FAN1: variants seen among roughly 807,000 people sequenced by gnomAD.
The protein encoded by FAN1 is fanconi-associated nuclease 1.
A neutral mutation model predicts 104.9 loss-of-function variants in FAN1; 91 were observed. The observed-to-expected ratio is 0.87, with a 90% CI of 0.73 to 1.03. FAN1 has a LOEUF of 1.03. Ranked by LOEUF, FAN1 falls within the 50% of genes least tolerant of loss-of-function variation. FAN1 has a pLI of 0.00. For synonymous variants in FAN1, 478 were observed against 457.6 expected, an observed-to-expected ratio of 1.04 and a Z score of -0.57; for missense variants, 1,263 against 1,239.9, an observed-to-expected ratio of 1.02 and a Z score of -0.28.
At chr15:30,912,483 C>T (rs555843315) in intron 4 of FAN1, among the ~76,000 whole-genome samples, 13 of 152,310 alleles carry the variant, frequency 8.5e-5, no homozygotes, top group African/African-American at 3.1e-4. Flanking sequence ...CGGGACTCTG[C>T]GTGGAGGTGG....
intron 13 of FAN1, among the ~76,000 whole-genome samples, chr15:30,935,255 C>T (rs2062819722): frequency 6.6e-6 from 1 of 151,794 alleles, no homozygotes; most frequent in Admixed American, 6.6e-5. Context: ...CTGCAGTGTG[C>T]TGAGATCATA....
rs746262595 is a variant in FAN1, at chr15:30,941,726, C to T, written c.*164C>T. 4.3e-6 allele frequency: 7 copies of T among 1,613,976 alleles called. No homozygotes were observed. In the Admixed American group the frequency reaches 1.0e-4, roughly 23 times the overall value. ...ACTGCGCTGTTGCCGCAGCATCCTGCTCAGTACGTCGACTTCATCAGCCAG... is the reference window on the plus strand; with the variant it reads ...ACTGCGCTGTTGCCGCAGCATCCTGTTCAGTACGTCGACTTCATCAGCCAG... On this transcript the variant is annotated 3_prime_UTR_variant, in exon 15 of 15. Transcript: ENST00000362065.
intron 3 of FAN1, among the ~76,000 whole-genome samples, chr15:30,909,921 G>T (rs781592447): frequency 6.6e-6 from 1 of 152,208 alleles, no homozygotes; most frequent in African/African-American, 2.4e-5. Context: ...TCTTTAGAGC[G>T]GTTATTACCA....
rs149504583 is a variant in FAN1, at chr15:30,939,438, T to A, written c.*4-2128T>A. 140 of 985,466 alleles carry A rather than the reference T, an allele frequency of 1.4e-4. No individual in the cohort carries two copies. In the African/African-American group the frequency reaches 2.4e-3, roughly 17 times the overall value. 61.0% of individuals were successfully genotyped at this position (985,466 alleles called of 1,614,324 possible). The stretch of plus-strand genomic sequence containing the variant: ...GACGGCAGAGGTGGTATAAGCAGCT[T>A]CACCCTGGCCCGACTGAAGGCTGTC... On this transcript the variant is annotated intron_variant, in intron 14 of 14. Transcript: ENST00000362065.
At chr15:30,908,598 C>T (rs1480065133) in intron 3 of FAN1, among the ~76,000 whole-genome samples, 1 of 152,174 alleles carries the variant, frequency 6.6e-6, no homozygotes, top group Non-Finnish European at 1.5e-5. Flanking sequence ...GTAATCCCAG[C>T]ACTTTGGGAG....
intron 11 of FAN1, 32 bp from the exon 12 acceptor site, chr15:30,929,171 C>A: frequency 6.2e-7 from 1 of 1,601,824 alleles, no homozygotes; most frequent in Non-Finnish European, 8.5e-7. Context: ...TCTGCAGGCA[C>A]AGTATGACAG....
intron 13 of FAN1, among the ~76,000 whole-genome samples, chr15:30,933,469 A>C (rs1036739577): frequency 6.6e-6 from 1 of 152,170 alleles, no homozygotes; most frequent in Non-Finnish European, 1.5e-5. Flanking sequence ...ATTTAACTCC[A>C]TTGTATTCAG....
At chr15:30,918,550 T>C (rs2062243358) in intron 6 of FAN1, among the ~76,000 whole-genome samples, 1 of 152,204 alleles carries the variant, frequency 6.6e-6, no homozygotes, top group Non-Finnish European at 1.5e-5. Flanking sequence ...ACTTGACTTG[T>C]CGCATGCCAA....
intron 6 of FAN1, 117 bp from the exon 7 acceptor site, chr15:30,920,428 G>C (rs1595851525): frequency 1.3e-5 from 9 of 701,214 alleles, no homozygotes; most frequent in Non-Finnish European, 2.2e-5. Flanking sequence ...ACAACTGAAA[G>C]TATTTAGAAT....
At chr15:30,922,121 G>C in intron 7 of FAN1, 114 bp from the exon 8 acceptor site, 1 of 1,346,288 alleles carries the variant, frequency 7.4e-7, no homozygotes, top group Non-Finnish European at 1.0e-6. Context: ...CCTCATTGTA[G>C]AATGGAAAGA....
chr15:30,933,998 C>T (rs1462937733), intron 13 of FAN1, among the ~76,000 whole-genome samples: 1 of 151,850 alleles, frequency 6.6e-6, no homozygotes, highest in African/African-American at 2.4e-5. Context: ...CTGGGCTCCA[C>T]GTTGGCCTCC....
At chr15:30,940,925 C>T (rs1317019407) in intron 14 of FAN1, 1 of 1,050,702 alleles carries the variant, frequency 9.5e-7, no homozygotes, top group Admixed American at 5.1e-5. Context: ...GATTTCAAAA[C>T]ACAGTGATCT....
intron 7 of FAN1, among the ~76,000 whole-genome samples, chr15:30,921,303 T>C (rs899070365): frequency 3.3e-5 from 5 of 152,184 alleles, no homozygotes; most frequent in Admixed American, 1.3e-4. Flanking sequence ...GAACTCCTTG[T>C]GAGACTTGGC....
At chr15:30,906,044 G>A in intron 2 of FAN1, 147 bp downstream of exon 2, 1 of 737,012 alleles carries the variant, frequency 1.4e-6, no homozygotes, top group South Asian at 1.8e-5. Context: ...GGGAGTTGGA[G>A]CATAGTCGAA....
chr15:30,923,491 G>A (rs1400520010), intron 8 of FAN1, among the ~76,000 whole-genome samples: 1 of 152,212 alleles, frequency 6.6e-6, no homozygotes, highest in Non-Finnish European at 1.5e-5. Flanking sequence ...CCTAACCTCT[G>A]TTTCCAGAGG....
intron 13 of FAN1, among the ~76,000 whole-genome samples, chr15:30,934,007 C>T (rs2062786888): frequency 6.6e-6 from 1 of 152,098 alleles, no homozygotes. Context: ...ACGTTGGCCT[C>T]CCAAAATGCT....
intron 6 of FAN1, 53 bp from the exon 7 acceptor site, chr15:30,920,492 C>T (rs2062301582): frequency 7.9e-6 from 9 of 1,133,994 alleles, no homozygotes; most frequent in South Asian, 3.9e-5. Flanking sequence ...TTATTATTGT[C>T]TTATAATAAA....
At position 30,939,189 on chromosome 15, in the gene FAN1, AAATAAAG is replaced by A. The variant is rs1222799007; in HGVS notation, c.*3+1931_*3+1937del. 3.0e-6 allele frequency: 3 copies of A among 985,288 alleles called. No individual in the cohort carries two copies. In the African/African-American group the frequency reaches 5.2e-5, roughly 17 times the overall value. 61.0% of individuals were successfully genotyped at this position (985,288 alleles called of 1,614,324 possible). ...TAGTACAAATTAATATCCTTTCCTT[AAATAAAG>A]TTAGTTAGCTATTTTTGGTTTCAAA... On this transcript the variant is annotated intron_variant, in intron 14 of 14. Transcript: ENST00000362065.
rs755918280 is a variant in FAN1, at chr15:30,920,630, C to T, written c.2029C>T (p.Leu677=). ...TRILSRFVEI[L]QRLHMYEEAV... ...GATTTTGTCTCGGTTTGTGGAAATA[C>T]TGCAGAGACTTCACATGTATGAGGT... Residue 677 remains leucine (L), a synonymous_variant, in exon 7 of 15, where the codon CTG becomes TTG. Coordinates refer to ENST00000362065, the MANE Select transcript of FAN1 (RefSeq NM_014967.5). The T allele has an allele frequency of 1.1e-5, 17 of 1,608,818 alleles. No individual in the cohort carries two copies. Among genetic ancestry groups the T allele is most frequent in the Non-Finnish European group, 1.3e-5 (15 of 1,175,872 alleles).
Sources: gnomAD v4.1 joint callset for allele counts (sites outside exome capture counted in the v4.1 genomes callset) on GRCh38, gnomAD v4.1.1 for gene constraint, MANE v1.5 for transcripts, NCBI Gene and HGNC (gene_info 2026-07-23, HGNC 2026-07-21) for gene names.